The following CNTN4 variants were observed in gnomAD, a reference collection of about 807,000 sequenced individuals.
The protein encoded by CNTN4 is contactin-4.
In CNTN4, 77 loss-of-function variants were observed where a neutral mutation model predicts 122.5. That is an observed-to-expected ratio of 0.63 (90% CI 0.52 to 0.76). CNTN4 has a LOEUF of 0.76. Ranked by LOEUF, CNTN4 falls within the 30% of genes least tolerant of loss-of-function variation. The pLI is 0.00. For synonymous variants in CNTN4, 512 were observed against 447.0 expected, an observed-to-expected ratio of 1.15 and a Z score of -1.83; for missense variants, 1,256 against 1,259.1, an observed-to-expected ratio of 1.00 and a Z score of 0.04.
At chr3:2,600,798 C>G (rs1295887009) in intron 4 of CNTN4, among the ~76,000 whole-genome samples, 1 of 152,166 alleles carries the variant, frequency 6.6e-6, no homozygotes. Context: ...AATGGTTGAA[C>G]TAGTTTACAG....
chr3:2,942,958 A>T (rs1265032828), intron 13 of CNTN4, among the ~76,000 whole-genome samples: 1 of 152,188 alleles, frequency 6.6e-6, no homozygotes, highest in African/African-American at 2.4e-5. Flanking sequence ...GAATTCCATG[A>T]TTAATTTTCA....
chr3:2,120,356 T>TATATATATATATATAA (rs1559260537), intron 2 of CNTN4, among the ~76,000 whole-genome samples: 51 of 51,422 alleles, frequency 9.9e-4, no homozygotes, highest in African/African-American at 3.1e-3. Context: ...TTAGGTTATA[T>TATATATATATATATAA]ATATATATAT....
chr3:2,344,476 C>T (rs2044327725), intron 3 of CNTN4, among the ~76,000 whole-genome samples: 1 of 152,150 alleles, frequency 6.6e-6, no homozygotes, highest in South Asian at 2.1e-4. Context: ...GATGGGGTTT[C>T]ACTATGTTGG....
At chr3:2,774,874 C>G (rs547334827) in intron 6 of CNTN4, among the ~76,000 whole-genome samples, 7 of 152,214 alleles carry the variant, frequency 4.6e-5, no homozygotes, top group African/African-American at 1.7e-4. Context: ...AGGCTGTTTA[C>G]AAAATAGCCT....
intron 7 of CNTN4, among the ~76,000 whole-genome samples, chr3:2,842,127 T>C (rs1206108323): frequency 6.6e-6 from 1 of 152,212 alleles, no homozygotes; most frequent in Non-Finnish European, 1.5e-5. Context: ...CGGAAAGCCA[T>C]GAGCTCTTCT....
chr3:2,528,019 T>C (rs1297238048), intron 3 of CNTN4, among the ~76,000 whole-genome samples: 2 of 152,188 alleles, frequency 1.3e-5, no homozygotes, highest in Non-Finnish European at 2.9e-5. Context: ...TTTTCTGTGT[T>C]CTTTCTAAAA....
intron 3 of CNTN4, among the ~76,000 whole-genome samples, chr3:2,513,946 T>C (rs1395082133): frequency 1.3e-5 from 2 of 152,142 alleles, no homozygotes; most frequent in Non-Finnish European, 2.9e-5. Flanking sequence ...AAGTCTTGAA[T>C]TGTATATGTA....
At chr3:2,895,532 T>C (rs1449416496) in intron 10 of CNTN4, among the ~76,000 whole-genome samples, 1 of 152,240 alleles carries the variant, frequency 6.6e-6, no homozygotes, top group Non-Finnish European at 1.5e-5. Flanking sequence ...TTATCCTTGC[T>C]ATCCGTGCTA....
intron 6 of CNTN4, among the ~76,000 whole-genome samples, chr3:2,781,086 G>A (rs1441754860): frequency 1.3e-5 from 2 of 152,140 alleles, no homozygotes; most frequent in African/African-American, 4.8e-5. Flanking sequence ...GGAGTGGTGA[G>A]GTTCAAATGA....
chr3:2,384,443 A>G (rs896829918), intron 3 of CNTN4, among the ~76,000 whole-genome samples: 7 of 152,196 alleles, frequency 4.6e-5, no homozygotes, highest in Non-Finnish European at 1.0e-4. Context: ...AATTGTGGGG[A>G]AAAAGCAAGG....
intron 7 of CNTN4, among the ~76,000 whole-genome samples, chr3:2,850,965 C>T (rs974871124): frequency 6.6e-6 from 1 of 152,068 alleles, no homozygotes; most frequent in Non-Finnish European, 1.5e-5. Context: ...GGAAGGGAGC[C>T]TGAGAGAGGA....
intron 4 of CNTN4, among the ~76,000 whole-genome samples, chr3:2,704,416 C>T (rs1006283889): frequency 6.0e-5 from 9 of 150,734 alleles, no homozygotes; most frequent in South Asian, 2.1e-4. Context: ...ATTGAAAGTA[C>T]GATATGGCTC....
At chr3:2,388,273 TA>T (rs1439749493) in intron 3 of CNTN4, among the ~76,000 whole-genome samples, 3 of 152,186 alleles carry the variant, frequency 2.0e-5, no homozygotes, top group African/African-American at 7.2e-5. Flanking sequence ...CTGTTTCTCA[TA>T]ATTTAAATGT....
chr3:3,020,478 G>A (rs909587680), intron 14 of CNTN4, among the ~76,000 whole-genome samples: 14 of 152,320 alleles, frequency 9.2e-5, no homozygotes, highest in African/African-American at 2.9e-4. Context: ...GCCAGGAAGG[G>A]CATGTGGGGA....
intron 2 of CNTN4, among the ~76,000 whole-genome samples, chr3:2,186,237 A>G (rs1379309084): frequency 1.3e-5 from 2 of 152,052 alleles, no homozygotes; most frequent in African/African-American, 4.8e-5. Context: ...AGCTTCATCC[A>G]TCTCCCTACA....
At chr3:2,516,715 G>A (rs1476472584) in intron 3 of CNTN4, among the ~76,000 whole-genome samples, 1 of 152,050 alleles carries the variant, frequency 6.6e-6, no homozygotes, top group Non-Finnish European at 1.5e-5. Context: ...AAAATTGAGA[G>A]GAACACATCA....
intron 4 of CNTN4, among the ~76,000 whole-genome samples, chr3:2,584,946 C>T (rs1194311429): frequency 6.7e-6 from 1 of 150,028 alleles, no homozygotes; most frequent in African/African-American, 2.5e-5. Context: ...GATAGATAGA[C>T]AGAAAAAAAT....
intron 3 of CNTN4, among the ~76,000 whole-genome samples, chr3:2,530,804 T>G (rs1186502643): frequency 1.2e-4 from 18 of 152,190 alleles, no homozygotes; most frequent in Admixed American, 1.2e-3. Flanking sequence ...CTAAGAAATG[T>G]CATTCAGCCA....
rs1232778199 is a variant in CNTN4 at position 2,110,371 on chromosome 3, C to A, written c.-145+9732C>A. The A allele has an allele frequency of 1.3e-5, 2 of 152,224 alleles. 1 individual carries two copies. Among genetic ancestry groups the A allele is most frequent in the Admixed American group, 1.3e-4 (2 of 15,288 alleles). The allele number at this position is 152,224 out of a possible 1,614,324, so 9.4% of individuals were successfully genotyped here. On this transcript the variant is annotated intron_variant, in intron 2 of 24. Coordinates refer to ENST00000418658, the MANE Select transcript of CNTN4 (RefSeq NM_175607.3). ...ACATTGTAAGCATTAGGTAAATGAA[C>A]CGTATACTACAATCTTTACAACTTA... is the stretch of plus-strand genomic sequence containing the variant.
Sources: allele counts gnomAD v4.1 joint callset (sites outside exome capture counted in the v4.1 genomes callset), GRCh38; gene constraint gnomAD v4.1.1; transcripts MANE v1.5; gene names NCBI Gene and HGNC (gene_info 2026-07-23, HGNC 2026-07-21).